The following ZFHX3 variants were observed in gnomAD, a reference collection of about 807,000 sequenced individuals.
ZFHX3 encodes the protein zinc finger homeobox 3.
In ZFHX3, 42 loss-of-function variants were observed where a neutral mutation model predicts 279.1. That is an observed-to-expected ratio of 0.15 (90% CI 0.12 to 0.19). ZFHX3 has a LOEUF of 0.19. Among genes scored for constraint, ZFHX3 ranks in the 10% least tolerant of loss-of-function variants. The pLI is 1.00. For missense variants in ZFHX3, 4,981 were observed against 4,754.0 expected, an observed-to-expected ratio of 1.05 and a Z score of -1.40; for synonymous variants, 2,293 against 1,957.8, an observed-to-expected ratio of 1.17 and a Z score of -4.52.
chr16:72,948,706 C>A (rs1440910290), intron 3 of ZFHX3, among the ~76,000 whole-genome samples: 1 of 152,212 alleles, frequency 6.6e-6, no homozygotes, highest in Non-Finnish European at 1.5e-5. Context: ...CAGCTTCATG[C>A]CACCTCTAAA....
At chr16:73,493,050 A>C (rs752645264) in intron 2 of ZFHX3, among the ~76,000 whole-genome samples, 1 of 152,182 alleles carries the variant, frequency 6.6e-6, no homozygotes, top group African/African-American at 2.4e-5. Context: ...AGCTGGAATT[A>C]TTCTTTCAAT....
At chr16:72,871,529 A>G (rs1004847784) in intron 4 of ZFHX3, among the ~76,000 whole-genome samples, 1 of 151,788 alleles carries the variant, frequency 6.6e-6, no homozygotes, top group African/African-American at 2.4e-5. Context: ...TTTAGTAGAG[A>G]CGGGGTTTCA....
intron 1 of ZFHX3, among the ~76,000 whole-genome samples, chr16:73,775,555 G>C (rs760982918): frequency 1.1e-4 from 16 of 152,102 alleles, no homozygotes; most frequent in African/African-American, 3.9e-4. Context: ...GTTTGGCCGT[G>C]TGCTGAGCCC....
chr16:73,146,838 G>C (rs142396544), intron 5 of ZFHX3, among the ~76,000 whole-genome samples: 2,642 of 152,136 alleles, frequency 0.017, 25 homozygotes, highest in Middle Eastern at 0.037. Context: ...TGTATTTTTT[G>C]TAGATGTGGA....
intron 2 of ZFHX3, among the ~76,000 whole-genome samples, chr16:73,465,791 G>C (rs1422660330): frequency 1.3e-5 from 2 of 152,162 alleles, no homozygotes; most frequent in Non-Finnish European, 2.9e-5. Flanking sequence ...TCAAAATACA[G>C]ATCAGGTGGA....
intron 5 of ZFHX3, among the ~76,000 whole-genome samples, chr16:73,214,203 G>C (rs2012116817): frequency 6.6e-6 from 1 of 152,140 alleles, no homozygotes; most frequent in South Asian, 2.1e-4. Context: ...GCTCAAATGG[G>C]CTTGGGCCAA....
At chr16:73,481,973 A>G (rs2018878126) in intron 2 of ZFHX3, among the ~76,000 whole-genome samples, 1 of 152,200 alleles carries the variant, frequency 6.6e-6, no homozygotes, top group Non-Finnish European at 1.5e-5. Flanking sequence ...GTCCAGTGTA[A>G]GTAACATTTG....
At chr16:73,221,463 T>C (rs2012417581) in intron 5 of ZFHX3, among the ~76,000 whole-genome samples, 2 of 152,204 alleles carry the variant, frequency 1.3e-5, no homozygotes, top group Non-Finnish European at 2.9e-5. Context: ...CTATCTATAC[T>C]AATCTGTAAC....
At chr16:73,806,066 G>T (rs757687801) in intron 1 of ZFHX3, among the ~76,000 whole-genome samples, 3 of 152,230 alleles carry the variant, frequency 2.0e-5, no homozygotes, top group Non-Finnish European at 4.4e-5. Flanking sequence ...AGGGTGGCAG[G>T]AGACAGAATG....
Position 72,785,602 on chromosome 16 carries a change from G to GGT in ZFHX3, c.*1560_*1561dup, listed in dbSNP as rs1313603538. ...CTTTTTTCTGCATCAGCAGTGAAAG[G>GGT]GTGTGTCTTTGGATTTTATTTAAAG... On this transcript the variant is annotated 3_prime_UTR_variant, in exon 10 of 10. Transcript: ENST00000268489. 1 of 152,428 alleles carries GGT rather than the reference G, an allele frequency of 6.6e-6. No homozygotes were observed. Among genetic ancestry groups the GGT allele is most frequent in the Non-Finnish European group, 1.5e-5 (1 of 68,002 alleles). The allele number at this position is 152,428 out of a possible 1,614,324, so 9.4% of individuals were successfully genotyped here. A position where few individuals can be genotyped will look rare whatever the true frequency, so the allele number is the denominator to read the frequency against.
chr16:73,627,656 C>T (rs549998160), intron 2 of ZFHX3, among the ~76,000 whole-genome samples: 3 of 152,318 alleles, frequency 2.0e-5, no homozygotes, highest in South Asian at 2.1e-4. Context: ...CAGTGGCTCA[C>T]GCCTGTAATC....
chr16:73,822,496 T>C (rs901097961), intron 1 of ZFHX3, among the ~76,000 whole-genome samples: 1 of 151,810 alleles, frequency 6.6e-6, no homozygotes, highest in African/African-American at 2.4e-5. Context: ...AGGTTGACTG[T>C]CATTGAAAAG....
chr16:73,724,989 C>G (rs2053505776), intron 1 of ZFHX3, among the ~76,000 whole-genome samples: 1 of 152,096 alleles, frequency 6.6e-6, no homozygotes, highest in Non-Finnish European at 1.5e-5. Flanking sequence ...GAATTTTAAA[C>G]ACCTCAGTCT....
chr16:73,636,551 A>C (rs916298694), intron 2 of ZFHX3, among the ~76,000 whole-genome samples: 4 of 152,224 alleles, frequency 2.6e-5, no homozygotes, highest in South Asian at 2.1e-4. Flanking sequence ...AAACCTGTTC[A>C]ACAAGGTGGG....
chr16:73,849,326 C>A (rs76654346), intron 1 of ZFHX3, among the ~76,000 whole-genome samples: 1,704 of 152,274 alleles, frequency 0.011, 14 homozygotes, highest in Middle Eastern at 0.044. Flanking sequence ...ATTTGAATTA[C>A]CTTTATTGCA....
chr16:73,070,810 C>T (rs1295780295), intron 8 of ZFHX3, among the ~76,000 whole-genome samples: 1 of 151,706 alleles, frequency 6.6e-6, no homozygotes, highest in African/African-American at 2.4e-5. Flanking sequence ...GCGCCCGGTC[C>T]CCTCCCCCAC....
intron 5 of ZFHX3, 34 bp from the exon 6 acceptor site, chr16:72,812,072 C>T (rs1446458909): frequency 6.2e-7 from 1 of 1,606,880 alleles, no homozygotes; most frequent in Non-Finnish European, 8.5e-7. Context: ...AATACAGCAG[C>T]CAGACCAGGC....
intron 2 of ZFHX3, among the ~76,000 whole-genome samples, chr16:73,555,466 T>C (rs1487644106): frequency 2.6e-5 from 4 of 151,934 alleles, no homozygotes; most frequent in East Asian, 3.9e-4. Context: ...CATGTTTGTA[T>C]TTTTAAGAGG....
At chr16:73,514,922 C>T (rs953003452) in intron 2 of ZFHX3, among the ~76,000 whole-genome samples, 1 of 152,180 alleles carries the variant, frequency 6.6e-6, no homozygotes, top group Non-Finnish European at 1.5e-5. Flanking sequence ...CTCTCTCCCC[C>T]ACATATGCGG....
Sources: allele counts gnomAD v4.1 joint callset (sites outside exome capture counted in the v4.1 genomes callset), GRCh38; gene constraint gnomAD v4.1.1; transcripts MANE v1.5; gene names NCBI Gene and HGNC (gene_info 2026-07-23, HGNC 2026-07-21).